Variants in PCDHGA2 observed in about 807,000 individuals in gnomAD.
The protein encoded by PCDHGA2 is protocadherin gamma subfamily A, 2, also known as protocadherin gamma-A2.
A neutral mutation model predicts 59.2 loss-of-function variants in PCDHGA2; 40 were observed. The observed-to-expected ratio is 0.68, with a 90% confidence interval of 0.52 to 0.88. The LOEUF (loss-of-function observed/expected upper bound fraction) is 0.88. Among genes scored for constraint, PCDHGA2 ranks in the 40% least tolerant of loss-of-function variants. The pLI is 0.00. For synonymous variants in PCDHGA2, 560 were observed against 526.0 expected, an observed-to-expected ratio of 1.06 and a Z score of -0.89; for missense variants, 1,226 against 1,204.0, an observed-to-expected ratio of 1.02 and a Z score of -0.27.
rs1418817730 is a variant in PCDHGA2 at position 141,339,714 on chromosome 5, G to A, written c.743G>A (p.Arg248His). The A allele has an allele frequency of 6.2e-7, 1 of 1,614,168 alleles. No individual in the cohort carries two copies. Among genetic ancestry groups the A allele is most frequent in the Admixed American group, 1.7e-5 (1 of 60,028 alleles). ...CCTGTTTTTACACAGCCCGAGTACC[G>A]CATAAGCATTCCGGAGAATACGCTC... ...NAPVFTQPEY[R>H]ISIPENTLVG... The change falls in exon 1 of 4, where the codon CGC (arginine) becomes CAC (histidine). Residue 248 changes from arginine (R) to histidine (H), a missense_variant. Arg to His is a conservative substitution (Grantham distance 29, BLOSUM62 0). Transcript: ENST00000394576.
intron 1 of PCDHGA2, among the ~76,000 whole-genome samples, chr5:141,347,366 G>A (rs1187902302): frequency 6.6e-6 from 1 of 151,858 alleles, no homozygotes; most frequent in Non-Finnish European, 1.5e-5. Flanking sequence ...TGTTTCCCAG[G>A]CTGGTCTGAA....
At chr5:141,395,526 G>T in intron 1 of PCDHGA2, 4 of 357,898 alleles carry the variant, frequency 1.1e-5, no homozygotes, top group Admixed American at 4.6e-5. Context: ...GTCCATACTG[G>T]TAATTTTGCT....
intron 1 of PCDHGA2, chr5:141,361,373 A>T (rs768174278): frequency 1.1e-5 from 18 of 1,613,958 alleles, no homozygotes; most frequent in Non-Finnish European, 1.5e-5. Flanking sequence ...CTGGACCGGG[A>T]GGAGATCCCA....
At position 141,393,612 on chromosome 5, in the gene PCDHGA2, A is replaced by G. The variant is rs1171689277; in HGVS notation, c.2424+52217A>G. Reference sequence around the variant, plus strand: ...CACGCGGCTGCTTACTGTAACAGCCAGCGACCCGGATGAGGGAATCAACGG... The same window carrying G: ...CACGCGGCTGCTTACTGTAACAGCCGGCGACCCGGATGAGGGAATCAACGG... On this transcript the variant is annotated intron_variant, in intron 1 of 3. Coordinates refer to ENST00000394576, the MANE Select transcript of PCDHGA2 (RefSeq NM_018915.4). 6.2e-7 allele frequency: 1 copy of G among 1,613,840 alleles called. No homozygotes were observed. Among genetic ancestry groups the G allele is most frequent in the Non-Finnish European group, 8.5e-7 (1 of 1,179,908 alleles).
chr5:141,426,523 G>A (rs1018320941), intron 1 of PCDHGA2: 14 of 342,474 alleles, frequency 4.1e-5, no homozygotes, highest in African/African-American at 3.0e-4. Flanking sequence ...CGTGAACACG[G>A]AGAATGGGAA....
At position 141,477,068 on chromosome 5, in the gene PCDHGA2, C is replaced by A; in HGVS notation, c.2425-17739C>A. 6.2e-7 allele frequency: 1 copy of A among 1,614,268 alleles called. No homozygotes were observed. The highest frequency in any genetic ancestry group is 8.5e-7 in the Non-Finnish European group (1 of 1,180,046). On this transcript the variant is annotated intron_variant, in intron 1 of 3. Transcript: ENST00000394576. This position sits in a 1 kb window ranked among gnomAD's most constrained non-coding sequence, Gnocchi z 4.9. ...GCTGGACTTCGAGGACACCAAACTCCATGAGATTTACATCCAGGCCAAAGA... is the reference window on the plus strand; with the variant it reads ...GCTGGACTTCGAGGACACCAAACTCAATGAGATTTACATCCAGGCCAAAGA...
intron 1 of PCDHGA2, chr5:141,413,089 C>T: frequency 7.1e-7 from 1 of 1,401,124 alleles, no homozygotes; most frequent in Non-Finnish European, 9.7e-7. Context: ...TACAGAGACA[C>T]CCTGAAGCCA....
chr5:141,501,288 T>TATACACATAC (rs201660636), intron 2 of PCDHGA2, among the ~76,000 whole-genome samples: 2 of 81,228 alleles, frequency 2.5e-5, no homozygotes, highest in African/African-American at 9.9e-5. Flanking sequence ...GATATTCCCT[T>TATACACATAC]ATACACACAC....
intron 1 of PCDHGA2, chr5:141,384,703 G>A (rs776947081): frequency 6.2e-7 from 1 of 1,614,100 alleles, no homozygotes; most frequent in South Asian, 1.1e-5. Flanking sequence ...AGGCCAGAAC[G>A]CCTGGCTGTC....
intron 1 of PCDHGA2, chr5:141,427,874 G>A: frequency 1.3e-6 from 2 of 1,560,274 alleles, no homozygotes; most frequent in South Asian, 2.2e-5. Flanking sequence ...AGCTCACGAT[G>A]CAGGCCCACG....
chr5:141,393,858 A>C lies in PCDHGA2; in HGVS notation c.2424+52463A>C, dbSNP rs777304987. 5 of 1,613,912 alleles carry C rather than the reference A, an allele frequency of 3.1e-6. No homozygotes were observed. The South Asian group carries it at 3.3e-5, about 11-fold the overall frequency. Reference sequence around the variant, plus strand: ...AAATGACAATAGACCAGAAGTGATCATTACGTCTTTGTTTAGCCCAGTGTT... The same window carrying C: ...AAATGACAATAGACCAGAAGTGATCCTTACGTCTTTGTTTAGCCCAGTGTT... On this transcript the variant is annotated intron_variant, in intron 1 of 3. Coordinates refer to ENST00000394576, the MANE Select transcript of PCDHGA2 (RefSeq NM_018915.4).
At position 141,431,276 on chromosome 5, in the gene PCDHGA2, A is replaced by T; in HGVS notation, c.2425-63531A>T. 6.2e-7 allele frequency: 1 copy of T among 1,614,176 alleles called. No individual in the cohort carries two copies. Among genetic ancestry groups the T allele is most frequent in the South Asian group, 1.1e-5 (1 of 91,084 alleles). ...GAACTCTCTGCAGAGCTACGAGCTC[A>T]GCCCGAACACTCACTTCTCCCTCAT... is the stretch of plus-strand genomic sequence containing the variant. On this transcript the variant is annotated intron_variant, in intron 1 of 3. Transcript: ENST00000394576. The surrounding 1 kb of genome is among the most constrained non-coding windows in gnomAD (Gnocchi z 4.8).
chr5:141,413,984 C>T (rs898207454), intron 1 of PCDHGA2: 2 of 1,613,300 alleles, frequency 1.2e-6, no homozygotes, highest in African/African-American at 2.7e-5. Flanking sequence ...ACAGTCACAG[C>T]CACCGACAGG....
chr5:141,481,317 C>T (rs2099535550), intron 1 of PCDHGA2, among the ~76,000 whole-genome samples: 1 of 152,182 alleles, frequency 6.6e-6, no homozygotes, highest in African/African-American at 2.4e-5. Context: ...CTTCCTAAAG[C>T]ACTAGCCCCT....
chr5:141,365,268 G>A (rs1329659479), intron 1 of PCDHGA2: 2 of 1,613,874 alleles, frequency 1.2e-6, no homozygotes, highest in Non-Finnish European at 1.7e-6. Flanking sequence ...GAAGAATCCA[G>A]ATTCTACCTC....
Position 141,486,639 on chromosome 5 carries a change from T to G in PCDHGA2, c.2425-8168T>G, listed in dbSNP as rs1250700423. ...GACCCAGACTCTGGCTTGAATGCGC[T>G]TATCTCCTACTCACTCCTGGAGCCC... On this transcript the variant is annotated intron_variant, in intron 1 of 3. Transcript: ENST00000394576. The surrounding 1 kb of genome is among the most constrained non-coding windows in gnomAD (Gnocchi z 5.0). The G allele has an allele frequency of 6.2e-7, 1 of 1,613,818 alleles. No individual in the cohort carries two copies. The highest frequency in any genetic ancestry group is 1.1e-5 in the South Asian group (1 of 91,084).
At chr5:141,444,876 G>A (rs921183358) in intron 1 of PCDHGA2, among the ~76,000 whole-genome samples, 1 of 152,186 alleles carries the variant, frequency 6.6e-6, no homozygotes, top group African/African-American at 2.4e-5. Flanking sequence ...GACAAAGCTT[G>A]TAGGATTTTT....
chr5:141,390,746 T>C (rs1391007986), intron 1 of PCDHGA2: 1 of 172,782 alleles, frequency 5.8e-6, no homozygotes, highest in African/African-American at 2.4e-5. Context: ...TCCATAGTAG[T>C]CCACTGTTTT....
chr5:141,388,521 ACTGC>A, intron 1 of PCDHGA2: 1 of 1,613,840 alleles, frequency 6.2e-7, no homozygotes, highest in Non-Finnish European at 8.5e-7. Context: ...CTTGACTTTG[ACTGC>A]CTTGGACTTT....
Sources: gnomAD v4.1 joint callset for allele counts (sites outside exome capture counted in the v4.1 genomes callset) on GRCh38, gnomAD v4.1.1 for gene constraint, Gnocchi (gnomAD v3.1) non-coding constraint, MANE v1.5 for transcripts, NCBI Gene and HGNC (gene_info 2026-07-23, HGNC 2026-07-21) for gene names.